TEAD1: variants seen among roughly 807,000 people sequenced by gnomAD.
TEAD1 encodes the protein transcriptional enhancer factor TEF-1.
Under a neutral mutation model 54.9 loss-of-function variants are expected in TEAD1, and 9 were observed. The observed-to-expected ratio is 0.16, with a 90% CI of 0.10 to 0.29. The LOEUF is 0.29. TEAD1 is among the 10% of genes least tolerant of loss of function. The probability of loss-of-function intolerance (pLI) is 1.00; values close to 1 mark genes in which losing one functional copy is unlikely to be tolerated. For missense variants in TEAD1, 387 were observed against 535.9 expected (o/e 0.72, Z 2.74); for synonymous variants, 200 against 187.8 (o/e 1.07, Z -0.53).
In TEAD1 at chr11:12,674,622, G is replaced by GC. The variant is rs1026909742; in HGVS notation, c.-413dup. ...GTCCAGGCACAGGCCATGCAGTGAC[G>GC]CCCCCCCACCCCTCCACCTTTGCCC... On this transcript the variant is annotated 5_prime_UTR_variant, in exon 1 of 13. Transcript: ENST00000527636. 16 of 151,278 alleles carry GC rather than the reference G, an allele frequency of 1.1e-4. No individual in the cohort carries two copies. The highest frequency in any genetic ancestry group is 1.3e-4 in the Non-Finnish European group (9 of 68,032). 9.4% of individuals were successfully genotyped at this position (151,278 alleles called of 1,614,324 possible). A position where few individuals can be genotyped will look rare whatever the true frequency, so the allele number is the denominator to read the frequency against.
chr11:12,778,893 G>A (rs557552511), intron 3 of TEAD1, among the ~76,000 whole-genome samples: 1 of 152,166 alleles, frequency 6.6e-6, no homozygotes, highest in South Asian at 2.1e-4. Context: ...ACAAAACTTA[G>A]GAGAATTAAG....
chr11:12,737,151 G>A (rs191777157), intron 2 of TEAD1, among the ~76,000 whole-genome samples: 2 of 152,148 alleles, frequency 1.3e-5, no homozygotes, highest in African/African-American at 2.4e-5. Flanking sequence ...ATGAGGAGAC[G>A]GAGGCCTAGG....
intron 4 of TEAD1, among the ~76,000 whole-genome samples, chr11:12,864,489 G>T (rs747522024): frequency 2.6e-5 from 4 of 152,158 alleles, no homozygotes; most frequent in Non-Finnish European, 4.4e-5. Context: ...TTAGAGCAGC[G>T]CTGGGGGCTT....
At chr11:12,768,476 A>G (rs1288102775) in intron 3 of TEAD1, among the ~76,000 whole-genome samples, 1 of 152,218 alleles carries the variant, frequency 6.6e-6, no homozygotes, top group Admixed American at 6.5e-5. Flanking sequence ...GCTCTTAACA[A>G]TGCTTTGAAG....
chr11:12,692,214 C>G (rs1381663831), intron 2 of TEAD1, among the ~76,000 whole-genome samples: 1 of 152,158 alleles, frequency 6.6e-6, no homozygotes, highest in East Asian at 1.9e-4. Context: ...AGACTATGCA[C>G]TTAGGCCAAC....
At chr11:12,694,972 C>G (rs778956724) in intron 2 of TEAD1, among the ~76,000 whole-genome samples, 7 of 152,298 alleles carry the variant, frequency 4.6e-5, no homozygotes, top group Non-Finnish European at 7.3e-5. Context: ...AGCTTGTTTC[C>G]AATTCATAGC....
intron 3 of TEAD1, among the ~76,000 whole-genome samples, chr11:12,837,645 GTC>G (rs1326389159): frequency 6.6e-6 from 1 of 150,716 alleles, no homozygotes; most frequent in Non-Finnish European, 1.5e-5. Context: ...CGCATCTCTG[GTC>G]TCTCTTTCTC....
At chr11:12,703,158 G>A (rs1288130217) in intron 2 of TEAD1, among the ~76,000 whole-genome samples, 1 of 152,136 alleles carries the variant, frequency 6.6e-6, no homozygotes, top group African/African-American at 2.4e-5. Context: ...CTCCCACAGT[G>A]TGGTCTCAGT....
chr11:12,758,213 A>T (rs1393843481), intron 2 of TEAD1, among the ~76,000 whole-genome samples: 1 of 149,418 alleles, frequency 6.7e-6, no homozygotes, highest in East Asian at 2.0e-4. Flanking sequence ...TGACAAACCA[A>T]CTCACTAAGT....
At chr11:12,782,823 C>T (rs895274410) in intron 3 of TEAD1, among the ~76,000 whole-genome samples, 7 of 152,034 alleles carry the variant, frequency 4.6e-5, no homozygotes, top group Non-Finnish European at 7.4e-5. Flanking sequence ...AACTCAGATA[C>T]CAGGTGAGGG....
At chr11:12,727,223 A>G (rs1944330426) in intron 2 of TEAD1, among the ~76,000 whole-genome samples, 1 of 152,192 alleles carries the variant, frequency 6.6e-6, no homozygotes, top group South Asian at 2.1e-4. Context: ...CTGGCGACAG[A>G]AACAAAAACA....
intron 3 of TEAD1, among the ~76,000 whole-genome samples, chr11:12,855,579 C>T (rs1054487301): frequency 6.6e-6 from 1 of 151,680 alleles, no homozygotes; most frequent in African/African-American, 2.4e-5. Flanking sequence ...TGAGCCATTG[C>T]GCCTGACCAG....
chr11:12,875,520 G>T (rs1947837474), intron 5 of TEAD1, among the ~76,000 whole-genome samples: 1 of 152,048 alleles, frequency 6.6e-6, no homozygotes, highest in South Asian at 2.1e-4. Context: ...TATTTCCAGG[G>T]TCACATTAGA....
chr11:12,905,160 T>A (rs932456816), intron 10 of TEAD1, among the ~76,000 whole-genome samples: 7 of 152,246 alleles, frequency 4.6e-5, no homozygotes, highest in African/African-American at 1.7e-4. Flanking sequence ...ATTGTTTGAA[T>A]ATAAAGTAGC....
At chr11:12,796,843 A>G (rs961470569) in intron 3 of TEAD1, among the ~76,000 whole-genome samples, 4 of 149,090 alleles carry the variant, frequency 2.7e-5, no homozygotes, top group African/African-American at 4.9e-5. Context: ...CGGGTGCGGT[A>G]GCTCATGCTT....
intron 2 of TEAD1, among the ~76,000 whole-genome samples, chr11:12,751,088 A>G (rs1393246585): frequency 6.6e-5 from 10 of 152,150 alleles, no homozygotes; most frequent in Admixed American, 6.5e-4. Flanking sequence ...AGGCAGGAGA[A>G]TCGCTTGAGG....
intron 2 of TEAD1, among the ~76,000 whole-genome samples, chr11:12,728,890 G>C (rs1219745456): frequency 6.6e-6 from 1 of 152,200 alleles, no homozygotes; most frequent in African/African-American, 2.4e-5. Context: ...ATATAAAGGG[G>C]TTGTGCCCAA....
chr11:12,906,553 A>C (rs1389618357), intron 10 of TEAD1, among the ~76,000 whole-genome samples: 1 of 151,758 alleles, frequency 6.6e-6, no homozygotes, highest in Admixed American at 6.6e-5. Context: ...AAAAAAAAAA[A>C]AAAAAGAAAG....
At chr11:12,874,650 T>A (rs1947818664) in intron 5 of TEAD1, among the ~76,000 whole-genome samples, 1 of 152,068 alleles carries the variant, frequency 6.6e-6, no homozygotes, top group Non-Finnish European at 1.5e-5. Flanking sequence ...TGTTGGAAAT[T>A]GGTTAATGAT....
Sources: gnomAD v4.1 joint callset for allele counts (sites outside exome capture counted in the v4.1 genomes callset) on GRCh38, gnomAD v4.1.1 for gene constraint, MANE v1.5 for transcripts, NCBI Gene and HGNC (gene_info 2026-07-23, HGNC 2026-07-21) for gene names.